Variants in EPHA6 observed in about 807,000 individuals in gnomAD.
EPHA6 encodes ephrin type-A receptor 6.
Under a neutral mutation model 112.0 loss-of-function variants are expected in EPHA6, and 50 were observed. The observed-to-expected ratio is 0.45, with a 90% CI of 0.36 to 0.56. The LOEUF is 0.56. Ranked by LOEUF, EPHA6 falls within the 20% of genes least tolerant of loss-of-function variation. The pLI is 0.00. For synonymous variants in EPHA6, 529 were observed against 490.7 expected, an observed-to-expected ratio of 1.08 and a Z score of -1.03; for missense variants, 1,280 against 1,417.4, an observed-to-expected ratio of 0.90 and a Z score of 1.56.
intron 5 of EPHA6, among the ~76,000 whole-genome samples, chr3:97,244,897 A>G (rs2078942773): frequency 6.6e-6 from 1 of 151,996 alleles, no homozygotes; most frequent in Admixed American, 6.6e-5. Flanking sequence ...TAATATGGTC[A>G]GGCGCAAACA....
At position 96,934,992 on chromosome 3, in the gene EPHA6, C is replaced by G. The variant is rs1234665293; in HGVS notation, c.451-52338C>G. On this transcript the variant is annotated intron_variant, in intron 2 of 17. Coordinates refer to ENST00000389672, the MANE Select transcript of EPHA6 (RefSeq NM_001080448.3). ...ATCATTTATTTTTTATATTAACTTT[C>G]AATCATAATATAAAGATTCAAATAT... Among the ~76,000 whole-genome samples the G allele has an allele frequency of 2.6e-5, 4 of 151,734 alleles. No homozygotes were observed. In the East Asian group the frequency reaches 7.7e-4, roughly 29 times the overall value.
At chr3:96,902,190 C>T (rs957307057) in intron 2 of EPHA6, among the ~76,000 whole-genome samples, 1 of 152,118 alleles carries the variant, frequency 6.6e-6, no homozygotes, top group Non-Finnish European at 1.5e-5. Context: ...TTGTGAAGAG[C>T]AGGTATACTT....
intron 5 of EPHA6, among the ~76,000 whole-genome samples, chr3:97,259,803 C>T (rs936987828): frequency 6.5e-5 from 9 of 138,656 alleles, no homozygotes; most frequent in African/African-American, 2.0e-4. Flanking sequence ...GAAAGTATAC[C>T]TTTTTTTTTT....
At chr3:97,641,549 A>C (rs917015209) in intron 14 of EPHA6, among the ~76,000 whole-genome samples, 2 of 152,168 alleles carry the variant, frequency 1.3e-5, no homozygotes, top group African/African-American at 4.8e-5. Context: ...CTCACTAGGG[A>C]GTGCCAGACA....
At chr3:97,713,464 G>T (rs1483916239) in intron 14 of EPHA6, among the ~76,000 whole-genome samples, 1 of 152,130 alleles carries the variant, frequency 6.6e-6, no homozygotes, top group Non-Finnish European at 1.5e-5. Flanking sequence ...CTAAAACAAT[G>T]CTGTTTACCA....
chr3:97,682,316 C>T (rs1453450294), intron 14 of EPHA6, among the ~76,000 whole-genome samples: 1 of 151,868 alleles, frequency 6.6e-6, no homozygotes, highest in Non-Finnish European at 1.5e-5. Flanking sequence ...AACTCTGATC[C>T]CTCAATAGAT....
chr3:97,476,000 C>T (rs2091360702), intron 8 of EPHA6, among the ~76,000 whole-genome samples: 1 of 152,010 alleles, frequency 6.6e-6, no homozygotes, highest in Non-Finnish European at 1.5e-5. Context: ...GGTCCAAGTG[C>T]TTCACCCATC....
intron 6 of EPHA6, among the ~76,000 whole-genome samples, chr3:97,426,056 T>C (rs145767003): frequency 6.6e-6 from 1 of 152,318 alleles, no homozygotes; most frequent in Non-Finnish European, 1.5e-5. Context: ...AATCTTCCTG[T>C]CTTCTGAGCC....
intron 6 of EPHA6, among the ~76,000 whole-genome samples, chr3:97,425,176 G>C (rs1267099273): frequency 6.6e-6 from 1 of 152,094 alleles, no homozygotes; most frequent in East Asian, 1.9e-4. Flanking sequence ...TTCGGGTCTG[G>C]AGGACAGCGG....
At chr3:97,012,111 G>T (rs1401793921) in intron 3 of EPHA6, among the ~76,000 whole-genome samples, 1 of 152,114 alleles carries the variant, frequency 6.6e-6, no homozygotes, top group Non-Finnish European at 1.5e-5. Context: ...ATAATGCTGT[G>T]ATGAACTTAC....
intron 3 of EPHA6, among the ~76,000 whole-genome samples, chr3:97,100,098 A>G (rs535438369): frequency 7.2e-5 from 11 of 152,062 alleles, no homozygotes; most frequent in Admixed American, 3.9e-4. Flanking sequence ...CAACTCTACT[A>G]TGAATGCAGG....
At chr3:96,962,642 T>A (rs149044168) in intron 2 of EPHA6, among the ~76,000 whole-genome samples, 112 of 142,562 alleles carry the variant, frequency 7.9e-4, no homozygotes, top group African/African-American at 3.0e-3. Context: ...TAAGCTTAAT[T>A]TTTTTTTTTA....
At chr3:97,509,981 C>G (rs1009027975) in intron 10 of EPHA6, among the ~76,000 whole-genome samples, 1 of 152,168 alleles carries the variant, frequency 6.6e-6, no homozygotes, top group African/African-American at 2.4e-5. Context: ...ATCAATTCAG[C>G]TATTCATACT....
chr3:97,534,694 G>A (rs1275874224), intron 11 of EPHA6, among the ~76,000 whole-genome samples: 1 of 151,942 alleles, frequency 6.6e-6, no homozygotes, highest in Non-Finnish European at 1.5e-5. Flanking sequence ...CTAAAAGAGA[G>A]AAACAGAGAG....
At chr3:97,632,933 G>A (rs550122718) in intron 13 of EPHA6, among the ~76,000 whole-genome samples, 1 of 152,166 alleles carries the variant, frequency 6.6e-6, no homozygotes, top group East Asian at 1.9e-4. Flanking sequence ...CTTCAGGACA[G>A]CCTGGCACTC....
chr3:96,874,369 G>C (rs1226426562), intron 2 of EPHA6, among the ~76,000 whole-genome samples: 1 of 152,024 alleles, frequency 6.6e-6, no homozygotes, highest in Admixed American at 6.6e-5. Context: ...AGGAACTAAA[G>C]AAATATTCCT....
At chr3:97,067,807 A>G (rs2046225388) in intron 3 of EPHA6, among the ~76,000 whole-genome samples, 1 of 152,118 alleles carries the variant, frequency 6.6e-6, no homozygotes, top group Admixed American at 6.6e-5. Context: ...CTGATTACTG[A>G]CGTGTCAAGA....
intron 16 of EPHA6, among the ~76,000 whole-genome samples, chr3:97,736,963 G>T (rs1367465561): frequency 6.6e-6 from 1 of 151,980 alleles, no homozygotes; most frequent in Non-Finnish European, 1.5e-5. Flanking sequence ...CAGATCACAG[G>T]TTCAAGCCAG....
At chr3:97,056,652 C>T (rs2045862785) in intron 3 of EPHA6, among the ~76,000 whole-genome samples, 1 of 152,152 alleles carries the variant, frequency 6.6e-6, no homozygotes, top group African/African-American at 2.4e-5. Flanking sequence ...CCAGACTTCA[C>T]AGAGCCCCTT....
Sources: gnomAD v4.1 joint callset for allele counts (sites outside exome capture counted in the v4.1 genomes callset) on GRCh38, gnomAD v4.1.1 for gene constraint, MANE v1.5 for transcripts, NCBI Gene and HGNC (gene_info 2026-07-23, HGNC 2026-07-21) for gene names.